Variants in ASTN2 observed in about 807,000 individuals in gnomAD.
The protein encoded by ASTN2 is astrotactin-2.
Under a neutral mutation model 139.8 loss-of-function variants are expected in ASTN2, and 54 were observed. That is an observed-to-expected ratio of 0.39 (90% CI 0.31 to 0.48). The LOEUF is 0.48. ASTN2 is among the 20% of genes least tolerant of loss of function. ASTN2 has a pLI of 0.95. For synonymous variants in ASTN2, 756 were observed against 719.5 expected (o/e 1.05, Z -0.81); for missense variants, 1,565 against 1,725.1 (o/e 0.91, Z 1.64).
chr9:116,609,015 G>T (rs897750842), intron 19 of ASTN2, among the ~76,000 whole-genome samples: 6 of 152,052 alleles, frequency 3.9e-5, no homozygotes, highest in Non-Finnish European at 7.4e-5. Context: ...TTGAAGACAT[G>T]CACTAGAAAC....
At chr9:116,587,191 A>G (rs1170816279) in intron 19 of ASTN2, among the ~76,000 whole-genome samples, 1 of 151,722 alleles carries the variant, frequency 6.6e-6, no homozygotes, top group South Asian at 2.1e-4. Context: ...AAATACAAAA[A>G]CTAGCTGGGT....
intron 10 of ASTN2, among the ~76,000 whole-genome samples, chr9:116,932,446 G>A (rs150264253): frequency 1.3e-5 from 2 of 152,268 alleles, no homozygotes; most frequent in Middle Eastern, 3.4e-3. Flanking sequence ...AGATTACACT[G>A]TGGCTAACAG....
rs191357022 is a variant in ASTN2 at position 116,831,711 on chromosome 9, C to A, written c.2041-10928G>T. Reference sequence around the variant, plus strand: ...AAATAGGGTAGACAGACTTCTTCCACTTTAGCCTTCTTTTTCAAAAGAAGT... The same window carrying A: ...AAATAGGGTAGACAGACTTCTTCCAATTTAGCCTTCTTTTTCAAAAGAAGT... On this transcript the variant is annotated intron_variant, in intron 11 of 22. Coordinates refer to ENST00000313400, the MANE Select transcript of ASTN2 (RefSeq NM_001365068.1). 2.6e-4 allele frequency among the ~76,000 whole-genome samples: 40 copies of A among 152,280 alleles called. 1 individual carries two copies. Among genetic ancestry groups the A allele is most frequent in the African/African-American group, 8.9e-4 (37 of 41,568 alleles).
chr9:117,310,688 G>T (rs150841243), intron 1 of ASTN2, among the ~76,000 whole-genome samples: 1 of 152,218 alleles, frequency 6.6e-6, no homozygotes, highest in East Asian at 1.9e-4. Flanking sequence ...CTGGAGTGCA[G>T]TGGTATGATC....
intron 1 of ASTN2, among the ~76,000 whole-genome samples, chr9:117,324,063 T>C (rs1444293013): frequency 6.6e-6 from 1 of 151,854 alleles, no homozygotes; most frequent in Non-Finnish European, 1.5e-5. Context: ...CATAATCCCA[T>C]GTGAAAAAAA....
intron 3 of ASTN2, among the ~76,000 whole-genome samples, chr9:117,154,183 T>C (rs1269109332): frequency 6.6e-6 from 1 of 152,086 alleles, no homozygotes; most frequent in Non-Finnish European, 1.5e-5. Context: ...TTTCTCAATA[T>C]TAAACTCTTA....
intron 11 of ASTN2, among the ~76,000 whole-genome samples, chr9:116,823,606 G>A (rs1258182397): frequency 6.6e-6 from 1 of 152,138 alleles, no homozygotes; most frequent in Non-Finnish European, 1.5e-5. Context: ...CCTTGCCCCA[G>A]CTTGGTGTTC....
intron 1 of ASTN2, among the ~76,000 whole-genome samples, chr9:117,293,477 C>A (rs1373969267): frequency 1.3e-5 from 2 of 152,164 alleles, no homozygotes; most frequent in Non-Finnish European, 2.9e-5. Flanking sequence ...CATGCTTGGG[C>A]TTCCCTTGCA....
intron 4 of ASTN2, among the ~76,000 whole-genome samples, chr9:117,131,541 A>C (rs1292339462): frequency 6.6e-6 from 1 of 152,212 alleles, no homozygotes; most frequent in Non-Finnish European, 1.5e-5. Flanking sequence ...TCTTTCTGCA[A>C]ATCCAGGAGA....
At chr9:116,841,966 T>C (rs888290238) in intron 11 of ASTN2, among the ~76,000 whole-genome samples, 6 of 152,118 alleles carry the variant, frequency 3.9e-5, no homozygotes, top group African/African-American at 1.4e-4. Context: ...CTGCCTTGGG[T>C]CATACAGCAA....
intron 2 of ASTN2, among the ~76,000 whole-genome samples, chr9:117,259,779 C>T (rs150396780): frequency 9.3e-4 from 141 of 152,258 alleles, no homozygotes; most frequent in African/African-American, 3.2e-3. Context: ...ACCCTGACCA[C>T]TTCGGACACC....
intron 10 of ASTN2, among the ~76,000 whole-genome samples, chr9:116,949,959 A>G (rs533610166): frequency 1.6e-4 from 25 of 152,338 alleles, no homozygotes; most frequent in Middle Eastern, 3.4e-3. Flanking sequence ...TGTTCAATAA[A>G]CAGCAAAGTT....
intron 16 of ASTN2, among the ~76,000 whole-genome samples, chr9:116,718,970 C>CTATATATATATATATATATATATATATA (rs1828392449): frequency 1.2e-4 from 3 of 25,910 alleles, no homozygotes; most frequent in Non-Finnish European, 2.5e-4. Flanking sequence ...ATACCTGTAT[C>CTATATATATATATATATATATATATATA]TGTACATATA....
chr9:116,436,605 T>G (rs931537090), intron 22 of ASTN2, among the ~76,000 whole-genome samples: 2 of 152,172 alleles, frequency 1.3e-5, no homozygotes, highest in South Asian at 2.1e-4. Flanking sequence ...GCAGGAAAGA[T>G]AGTTAAACCA....
chr9:116,634,870 A>AT (rs369643946), intron 17 of ASTN2, among the ~76,000 whole-genome samples: 16 of 151,824 alleles, frequency 1.1e-4, no homozygotes, highest in Admixed American at 2.0e-4. Context: ...GACAATTACT[A>AT]TTTTTTTTAT....
chr9:116,814,005 C>T (rs1234995104), intron 12 of ASTN2, among the ~76,000 whole-genome samples: 1 of 146,714 alleles, frequency 6.8e-6, no homozygotes, highest in African/African-American at 2.6e-5. Flanking sequence ...CATTGCGCTC[C>T]AGCCTGGGTG....
chr9:116,770,690 C>T (rs983644517), intron 13 of ASTN2, among the ~76,000 whole-genome samples: 1 of 152,142 alleles, frequency 6.6e-6, no homozygotes, highest in Non-Finnish European at 1.5e-5. Context: ...CAGTACTCTC[C>T]TGTTTTCCTT....
At chr9:117,118,583 T>C (rs1829462708) in intron 4 of ASTN2, among the ~76,000 whole-genome samples, 1 of 152,196 alleles carries the variant, frequency 6.6e-6, no homozygotes, top group South Asian at 2.1e-4. Context: ...AGAGGTCAGA[T>C]TATAAATGTA....
intron 13 of ASTN2, among the ~76,000 whole-genome samples, chr9:116,764,578 C>T (rs549743632): frequency 6.6e-6 from 1 of 152,312 alleles, no homozygotes; most frequent in Admixed American, 6.5e-5. Context: ...ATGAAACTAA[C>T]AATTGAACCA....
Sources: gnomAD v4.1 joint callset for allele counts (sites outside exome capture counted in the v4.1 genomes callset) on GRCh38, gnomAD v4.1.1 for gene constraint, MANE v1.5 for transcripts, NCBI Gene and HGNC (gene_info 2026-07-23, HGNC 2026-07-21) for gene names.